WDR11: variants seen among roughly 807,000 people sequenced by gnomAD.
The protein encoded by WDR11 is WD repeat domain 11.
In WDR11, 83 loss-of-function variants were observed where a neutral mutation model predicts 151.2. The ratio of observed to expected loss-of-function variants is 0.55; its 90% CI spans 0.46 to 0.66. WDR11 has a LOEUF of 0.66. Ranked by LOEUF, WDR11 falls within the 30% of genes least tolerant of loss-of-function variation. The pLI is 0.00. For missense variants in WDR11, 1,301 were observed against 1,480.9 expected, an observed-to-expected ratio of 0.88 and a Z score of 1.99; for synonymous variants, 484 against 533.1, an observed-to-expected ratio of 0.91 and a Z score of 1.27.
chr10:120,874,016 G>T, intron 11 of WDR11, 93 bp downstream of exon 11: 2 of 803,270 alleles, frequency 2.5e-6, no homozygotes, highest in Non-Finnish European at 4.4e-6. Flanking sequence ...TGTAATATCT[G>T]CAGTGGTGAT....
chr10:120,859,076 A>G (rs961597609), intron 3 of WDR11, among the ~76,000 whole-genome samples: 1 of 152,176 alleles, frequency 6.6e-6, no homozygotes, highest in African/African-American at 2.4e-5. Context: ...TAAGTGGTAC[A>G]ATCTTGTAAT....
chr10:120,864,912 A>C, intron 5 of WDR11, 135 bp from the exon 6 acceptor site: 1 of 978,880 alleles, frequency 1.0e-6, no homozygotes, highest in Non-Finnish European at 1.5e-6. Context: ...TTGGATGCCA[A>C]CCCATGTTGG....
At chr10:120,885,992 G>A in intron 15 of WDR11, 54 bp downstream of exon 15, 1 of 1,608,238 alleles carries the variant, frequency 6.2e-7, no homozygotes, top group Non-Finnish European at 8.5e-7. Flanking sequence ...ATCATGTCTG[G>A]GAAGTTGACA....
At chr10:120,902,705 C>T (rs1847873937) in intron 22 of WDR11, among the ~76,000 whole-genome samples, 1 of 140,344 alleles carries the variant, frequency 7.1e-6, no homozygotes, top group Admixed American at 6.8e-5. Flanking sequence ...TAGCACATTA[C>T]TTTCATACCT....
At chr10:120,908,347 T>G in intron 28 of WDR11, 1 of 601,874 alleles carries the variant, frequency 1.7e-6, no homozygotes, top group East Asian at 2.9e-5. Flanking sequence ...GTAATGATGG[T>G]ACAGACTGAG....
intron 19 of WDR11, among the ~76,000 whole-genome samples, chr10:120,892,240 C>T (rs1465095776): frequency 6.6e-6 from 1 of 152,172 alleles, no homozygotes; most frequent in Non-Finnish European, 1.5e-5. Context: ...CAATACCATA[C>T]TTGAACATCT....
rs749090489 is a variant in WDR11 at position 120,889,991 on chromosome 10, A to G, written c.2325A>G (p.Glu775=). 6 of 1,612,026 alleles carry G rather than the reference A, an allele frequency of 3.7e-6. No homozygotes were observed. The Admixed American group carries it at 1.0e-4, about 27-fold the overall frequency. ...TAGCAATGTACAATGATGGAGCTGA[A>G]GTGTGGGATACTAAAGAGGTAGGCC... ...KLIAMYNDGA[E]VWDTKEVQMV... is the part of the protein sequence containing the mutation. The change falls in exon 18 of 29, where the codon GAA becomes GAG. Residue 775 remains glutamate (E), a synonymous_variant. Transcript: ENST00000263461.
rs1254155 is a variant in WDR11, at chr10:120,859,049, A to G, written c.352+253A>G. On this transcript the variant is annotated intron_variant, in intron 3 of 28. Transcript: ENST00000263461. Reference sequence around the variant, plus strand: ...TTAATTGCAATATCAGCCTCATTCAAGCATGATAAGAAAAAGTAAGTGGTA... The same window carrying G: ...TTAATTGCAATATCAGCCTCATTCAGGCATGATAAGAAAAAGTAAGTGGTA... Among the ~76,000 whole-genome samples the G allele has an allele frequency of 0.053, 8,121 of 152,270 alleles. 276 individuals are homozygous for G. The highest frequency in any genetic ancestry group is 0.065 in the Non-Finnish European group (4,415 of 68,020).
chr10:120,864,026 CAT>C (rs1564942165), intron 5 of WDR11, among the ~76,000 whole-genome samples: 5 of 152,120 alleles, frequency 3.3e-5, no homozygotes, highest in Admixed American at 1.3e-4. Flanking sequence ...AGTTTTCTCT[CAT>C]ATGAATTATA....
In WDR11 at chr10:120,880,731, T is replaced by A. The variant is rs4751805; in HGVS notation, c.1664-95T>A. The A allele has an allele frequency of 0.35, 351,090 of 1,010,058 alleles. 62,666 individuals carry two copies. Among genetic ancestry groups the A allele is most frequent in the Admixed American group, 0.49 (24,275 of 49,722 alleles). The allele number at this position is 1,010,058 out of a possible 1,614,324, so 62.6% of individuals were successfully genotyped here. A position where few individuals can be genotyped will look rare whatever the true frequency, so the allele number is the denominator to read the frequency against. Reference sequence around the variant, plus strand: ...ATGAATAGGAGAACAGAGGGTAGGATGGGTAGGACTGATCAAATTACATTG... The same window carrying A: ...ATGAATAGGAGAACAGAGGGTAGGAAGGGTAGGACTGATCAAATTACATTG... On this transcript the variant is annotated intron_variant, in intron 12 of 28. Coordinates refer to ENST00000263461, the MANE Select transcript of WDR11 (RefSeq NM_018117.12).
At chr10:120,887,862 C>T (rs956938816) in intron 16 of WDR11, among the ~76,000 whole-genome samples, 1 of 152,156 alleles carries the variant, frequency 6.6e-6, no homozygotes, top group Admixed American at 6.5e-5. Flanking sequence ...ATTAAACATT[C>T]TATTTTATGG....
At chr10:120,902,220 A>C (rs202208364) in intron 21 of WDR11, 37 bp from the exon 22 acceptor site, 1 of 1,586,302 alleles carries the variant, frequency 6.3e-7, no homozygotes, top group Non-Finnish European at 8.7e-7. Flanking sequence ...TTTGATTGAA[A>C]ACTTTTGTCT....
At chr10:120,893,531 G>A (rs2133797697) in intron 19 of WDR11, among the ~76,000 whole-genome samples, 1 of 152,086 alleles carries the variant, frequency 6.6e-6, no homozygotes, top group Middle Eastern at 3.4e-3. Flanking sequence ...TATATACCCA[G>A]TAATGGGATG....
In WDR11 at chr10:120,905,378, A is replaced by G; in HGVS notation, c.3253A>G (p.Thr1085Ala). The G allele has an allele frequency of 1.9e-6, 3 of 1,614,216 alleles. No homozygotes were observed. Among genetic ancestry groups the G allele is most frequent in the Non-Finnish European group, 2.5e-6 (3 of 1,180,038 alleles). The change falls in exon 26 of 29, where the codon ACA becomes GCA. Residue 1085 changes from threonine (T) to alanine (A), a missense_variant. This residue lies in a region of WDR11 where 589 missense variants were observed against 670.6 expected (regional missense o/e 0.88). Transcript: ENST00000263461. ...TGCAGACGCCTGCCGCTACCTGCAG[A>G]CATACGGCGAGTGGAATCGGGCTGC... is the stretch of plus-strand genomic sequence containing the variant. ...KAADACRYLQTYGEWNRAAWL... is the reference protein window; with the variant it reads ...KAADACRYLQAYGEWNRAAWL...
intron 5 of WDR11, among the ~76,000 whole-genome samples, chr10:120,864,617 A>G (rs1846250286): frequency 6.6e-6 from 1 of 151,934 alleles, no homozygotes; most frequent in Admixed American, 6.6e-5. Flanking sequence ...TAGTCCAGTA[A>G]CTCCTGGTCC....
chr10:120,889,483 G>A (rs929539664), intron 17 of WDR11: 6 of 391,594 alleles, frequency 1.5e-5, no homozygotes, highest in South Asian at 6.9e-5. Context: ...CTCGTGATCC[G>A]CCCACCTCGG....
chr10:120,890,640 T>A (rs1057368651), intron 18 of WDR11, 76 bp from the exon 19 acceptor site: 1 of 1,581,388 alleles, frequency 6.3e-7, no homozygotes, highest in Non-Finnish European at 8.7e-7. Context: ...CAGACTGTCT[T>A]CCTTGACCAT....
At chr10:120,887,120 T>C (rs1265219367) in intron 16 of WDR11, among the ~76,000 whole-genome samples, 1 of 152,194 alleles carries the variant, frequency 6.6e-6, no homozygotes, top group Non-Finnish European at 1.5e-5. Context: ...TAAGTAACTT[T>C]CCCAAAGTTA....
intron 19 of WDR11, among the ~76,000 whole-genome samples, chr10:120,896,309 A>G (rs1480881637): frequency 2.6e-5 from 4 of 152,208 alleles, no homozygotes; most frequent in African/African-American, 9.6e-5. Flanking sequence ...CCAGAAACCA[A>G]TGAGAATAGT....
Sources: allele counts gnomAD v4.1 joint callset (sites outside exome capture counted in the v4.1 genomes callset), GRCh38; gene constraint gnomAD v4.1.1; regional missense constraint gnomAD v4.1.1; transcripts MANE v1.5; gene names NCBI Gene and HGNC (gene_info 2026-07-23, HGNC 2026-07-21).